The following CDH12 variants were observed in gnomAD, a reference collection of about 807,000 sequenced individuals.
CDH12 encodes the protein cadherin 12, also known as cadherin-12.
A neutral mutation model predicts 74.1 loss-of-function variants in CDH12; 41 were observed. The ratio of observed to expected loss-of-function variants is 0.55; its 90% CI spans 0.43 to 0.72. CDH12 has a LOEUF of 0.72. Ranked by LOEUF, CDH12 falls within the 30% of genes least tolerant of loss-of-function variation. The probability of loss-of-function intolerance (pLI) is 0.00; values close to 1 mark genes in which losing one functional copy is unlikely to be tolerated. For missense variants in CDH12, 945 were observed against 977.2 expected, an observed-to-expected ratio of 0.97 and a Z score of 0.44; for synonymous variants, 399 against 355.0, an observed-to-expected ratio of 1.12 and a Z score of -1.39.
At chr5:22,828,356 C>A (rs1381738406) in intron 1 of CDH12, among the ~76,000 whole-genome samples, 3 of 152,006 alleles carry the variant, frequency 2.0e-5, no homozygotes, top group Non-Finnish European at 2.9e-5. Context: ...ATGGTCTTAT[C>A]AAAATGATGC....
Position 21,854,578 on chromosome 5 carries a change from A to G in CDH12, c.646+93T>C, listed in dbSNP as rs1459688777. The G allele has an allele frequency of 5.1e-6, 5 of 983,916 alleles. No homozygotes were observed. The African/African-American group carries it at 6.6e-5, about 13-fold the overall frequency. 60.9% of individuals were successfully genotyped at this position (983,916 alleles called of 1,614,324 possible). On this transcript the variant is annotated intron_variant, in intron 7 of 14. Coordinates refer to ENST00000382254, the MANE Select transcript of CDH12 (RefSeq NM_004061.5). ...CGCATCGCACTGAAGCTTTATGGCTATATTAGAATATGCAACTCCCCATGC... is the reference window on the plus strand; with the variant it reads ...CGCATCGCACTGAAGCTTTATGGCTGTATTAGAATATGCAACTCCCCATGC...
At chr5:22,384,094 T>C (rs1741885657) in intron 3 of CDH12, among the ~76,000 whole-genome samples, 1 of 152,194 alleles carries the variant, frequency 6.6e-6, no homozygotes, top group Non-Finnish European at 1.5e-5. Flanking sequence ...CTATTTTATA[T>C]CTGTCTGCAG....
intron 6 of CDH12, among the ~76,000 whole-genome samples, chr5:21,952,451 T>A (rs1755905638): frequency 6.6e-6 from 1 of 152,150 alleles, no homozygotes; most frequent in Non-Finnish European, 1.5e-5. Flanking sequence ...AGGAGGATCA[T>A]AACAGCACAG....
chr5:22,254,699 T>C (rs370674281), intron 3 of CDH12, among the ~76,000 whole-genome samples: 2 of 151,764 alleles, frequency 1.3e-5, no homozygotes, highest in Non-Finnish European at 3.0e-5. Flanking sequence ...GTATATATAA[T>C]TATACATATT....
intron 2 of CDH12, among the ~76,000 whole-genome samples, chr5:22,468,246 T>C (rs1176389282): frequency 6.6e-6 from 1 of 152,210 alleles, no homozygotes; most frequent in African/African-American, 2.4e-5. Flanking sequence ...TTTGTCACCA[T>C]ATAACCATCC....
chr5:22,356,682 C>T (rs948640421), intron 3 of CDH12, among the ~76,000 whole-genome samples: 1 of 152,048 alleles, frequency 6.6e-6, no homozygotes, highest in African/African-American at 2.4e-5. Context: ...AGTGCTGAAC[C>T]ATGATTAACT....
chr5:22,756,504 G>C (rs543777272), intron 1 of CDH12, among the ~76,000 whole-genome samples: 2 of 151,998 alleles, frequency 1.3e-5, no homozygotes, highest in Non-Finnish European at 2.9e-5. Context: ...ATTAAAAAGA[G>C]AATATTTCAA....
At chr5:22,229,092 C>A (rs539583148) in intron 3 of CDH12, among the ~76,000 whole-genome samples, 106 of 151,500 alleles carry the variant, frequency 7.0e-4, no homozygotes, top group African/African-American at 2.5e-3. Context: ...TTCTTAGTAG[C>A]AATTATCCCA....
At chr5:22,767,413 T>C (rs1392061817) in intron 1 of CDH12, among the ~76,000 whole-genome samples, 2 of 152,098 alleles carry the variant, frequency 1.3e-5, no homozygotes, top group East Asian at 3.9e-4. Context: ...TAGTGCTTAC[T>C]GTTCTGTTTG....
At chr5:22,259,802 T>C (rs1753448205) in intron 3 of CDH12, among the ~76,000 whole-genome samples, 1 of 152,060 alleles carries the variant, frequency 6.6e-6, no homozygotes, top group Non-Finnish European at 1.5e-5. Context: ...TCAAGTATAA[T>C]TAATTCAGCC....
At chr5:22,529,138 TATATATACAC>T (rs1418688350) in intron 1 of CDH12, among the ~76,000 whole-genome samples, 1 of 135,820 alleles carries the variant, frequency 7.4e-6, no homozygotes, top group Non-Finnish European at 1.7e-5. Flanking sequence ...AATATATGCA[TATATATACAC>T]ATATATATAC....
At chr5:22,465,947 T>C (rs1338361087) in intron 2 of CDH12, among the ~76,000 whole-genome samples, 1 of 152,178 alleles carries the variant, frequency 6.6e-6, no homozygotes, top group Non-Finnish European at 1.5e-5. Context: ...TGTGTTCTCT[T>C]ACTCTACCCC....
intron 1 of CDH12, among the ~76,000 whole-genome samples, chr5:22,813,476 C>T (rs1289322134): frequency 6.6e-6 from 1 of 152,124 alleles, no homozygotes; most frequent in African/African-American, 2.4e-5. Context: ...CTACCATGCT[C>T]CATGATCTCA....
intron 6 of CDH12, among the ~76,000 whole-genome samples, chr5:21,880,620 T>TTCGTTCG (rs1561268475): frequency 4.5e-5 from 1 of 22,072 alleles, no homozygotes; most frequent in Admixed American, 5.8e-4. Context: ...TCCTTCCTTC[T>TTCGTTCG]TTCTTTCTTT....
Position 21,949,974 on chromosome 5 carries a change from T to A in CDH12, c.526+25117A>T, listed in dbSNP as rs187347746. On this transcript the variant is annotated intron_variant, in intron 6 of 14. Transcript: ENST00000382254. ...TGATGCCCTAGGCATTTACGCTCAC[T>A]CACCACTTACTCACTAACTCTCCCA... 3.7e-3 allele frequency among the ~76,000 whole-genome samples: 567 copies of A among 152,316 alleles called. 1 individual carries two copies. The highest frequency in any genetic ancestry group is 0.013 in the African/African-American group (530 of 41,582).
intron 1 of CDH12, among the ~76,000 whole-genome samples, chr5:22,832,308 G>T (rs1489220761): frequency 6.6e-6 from 1 of 152,170 alleles, no homozygotes; most frequent in Non-Finnish European, 1.5e-5. Context: ...CTTACATAAA[G>T]TAAACATATT....
intron 5 of CDH12, among the ~76,000 whole-genome samples, chr5:22,028,719 T>A (rs1738575418): frequency 1.3e-5 from 2 of 152,296 alleles, no homozygotes; most frequent in Middle Eastern, 3.4e-3. Flanking sequence ...GCCATCCCCA[T>A]CAAGCTACCA....
At chr5:22,317,711 T>G (rs1227959366) in intron 3 of CDH12, among the ~76,000 whole-genome samples, 2 of 152,178 alleles carry the variant, frequency 1.3e-5, no homozygotes, top group Non-Finnish European at 2.9e-5. Flanking sequence ...AATTGCACAA[T>G]AAATACTTCT....
intron 1 of CDH12, among the ~76,000 whole-genome samples, chr5:22,755,080 A>C (rs1427989521): frequency 6.6e-6 from 1 of 152,208 alleles, no homozygotes; most frequent in Non-Finnish European, 1.5e-5. Flanking sequence ...TATGGATCTT[A>C]CATAAGGTAT....
Sources: allele counts gnomAD v4.1 joint callset (sites outside exome capture counted in the v4.1 genomes callset), GRCh38; gene constraint gnomAD v4.1.1; transcripts MANE v1.5; gene names NCBI Gene and HGNC (gene_info 2026-07-23, HGNC 2026-07-21).